Variants in SPTBN1 observed in about 807,000 individuals in gnomAD.
SPTBN1 encodes the protein spectrin beta chain, non-erythrocytic 1.
SPTBN1 carries 32 observed loss-of-function variants against 266.4 expected under a neutral mutation model. That is an observed-to-expected ratio of 0.12 (90% CI 0.09 to 0.16). The LOEUF (loss-of-function observed/expected upper bound fraction) is 0.16, where lower values mean the gene tolerates loss of function less well. Among genes scored for constraint, SPTBN1 ranks in the 10% least tolerant of loss-of-function variants. The pLI, the probability that SPTBN1 is intolerant of heterozygous loss-of-function variation, is 1.00. For missense variants in SPTBN1, 2,296 were observed against 3,067.1 expected (o/e 0.75, Z 5.94); for synonymous variants, 1,336 against 1,162.2 (o/e 1.15, Z -3.04).
intron 2 of SPTBN1, among the ~76,000 whole-genome samples, chr2:54,594,329 A>G (rs74872582): frequency 6.6e-6 from 1 of 151,728 alleles, no homozygotes; most frequent in Non-Finnish European, 1.5e-5. Context: ...AAAATATTTG[A>G]AAAAAAAATT....
intron 2 of SPTBN1, among the ~76,000 whole-genome samples, chr2:54,538,996 C>T (rs1352658594): frequency 1.3e-5 from 2 of 152,190 alleles, no homozygotes; most frequent in African/African-American, 4.8e-5. Context: ...GCCAGGAGCC[C>T]TCTTGCCTGT....
chr2:54,663,297 GTGCCA>G (rs1313124113), intron 32 of SPTBN1: 2 of 152,126 alleles, frequency 1.3e-5, no homozygotes, highest in Non-Finnish European at 2.9e-5. Flanking sequence ...TCTAATGAGC[GTGCCA>G]TTGACTTCTC....
At chr2:54,459,786 G>T (rs950054799) in intron 1 of SPTBN1, among the ~76,000 whole-genome samples, 1 of 152,146 alleles carries the variant, frequency 6.6e-6, no homozygotes, top group Admixed American at 6.5e-5. Flanking sequence ...AACTTTGTAG[G>T]TCTGTGGAAG....
rs772441068 is a variant in SPTBN1 at position 54,632,628 on chromosome 2, A to G, written c.3627A>G (p.Lys1209=). The change falls in exon 17 of 36, where the codon AAA becomes AAG. Residue 1209 remains lysine (K), a synonymous_variant. Coordinates refer to ENST00000356805, the MANE Select transcript of SPTBN1 (RefSeq NM_003128.3). ...TTLEGAEAAI[K]KQEDFMTTMD... is the part of the protein sequence containing the mutation. ...TGGAAGGAGCTGAAGCAGCAATTAA[A>G]AAGCAAGAGGACTTCATGACCACCA... The G allele has an allele frequency of 5.0e-6, 8 of 1,614,140 alleles. No homozygotes were observed. The African/African-American group carries it at 1.1e-4, about 22-fold the overall frequency.
At chr2:54,513,700 A>G (rs1443239825) in intron 1 of SPTBN1, among the ~76,000 whole-genome samples, 1 of 152,204 alleles carries the variant, frequency 6.6e-6, no homozygotes, top group Non-Finnish European at 1.5e-5. Flanking sequence ...CTATTTTTAA[A>G]AATAATTTAG....
intron 32 of SPTBN1, chr2:54,663,443 A>T (rs1158473746): frequency 6.6e-6 from 1 of 152,250 alleles, no homozygotes; most frequent in Admixed American, 6.5e-5. Flanking sequence ...TTAATGGTAC[A>T]CAGTTGATGG....
intron 2 of SPTBN1, among the ~76,000 whole-genome samples, chr2:54,536,108 G>A (rs1018566926): frequency 6.6e-6 from 1 of 152,104 alleles, no homozygotes; most frequent in Non-Finnish European, 1.5e-5. Flanking sequence ...GTGGGTGTTT[G>A]GTGTCTCAGA....
chr2:54,660,122 A>T (rs772218559), intron 32 of SPTBN1, 123 bp downstream of exon 32: 2 of 1,595,860 alleles, frequency 1.3e-6, no homozygotes, highest in South Asian at 1.1e-5. Context: ...ACCCTTTCCA[A>T]ATCCTCTGGG....
chr2:54,471,800 A>ATTTTTTTTTTTTTTTTTTTTTTTT (rs56043354), intron 1 of SPTBN1, among the ~76,000 whole-genome samples: 2 of 102,716 alleles, frequency 1.9e-5, no homozygotes, highest in Non-Finnish European at 3.8e-5. Context: ...TTTTTTATCG[A>ATTTTTTTTTTTTTTTTTTTTTTTT]TTTTTTTTTT....
chr2:54,469,035 T>G (rs1693782748), intron 1 of SPTBN1, among the ~76,000 whole-genome samples: 1 of 152,216 alleles, frequency 6.6e-6, no homozygotes, highest in Non-Finnish European at 1.5e-5. Flanking sequence ...GCTGGATTCT[T>G]TACAATTCTA....
chr2:54,547,967 C>A (rs1672346657), intron 2 of SPTBN1, among the ~76,000 whole-genome samples: 1 of 151,780 alleles, frequency 6.6e-6, no homozygotes, highest in African/African-American at 2.4e-5. Flanking sequence ...CACGGTGAAA[C>A]CCCGTCTCTA....
At chr2:54,511,531 T>C (rs1469454228) in intron 1 of SPTBN1, among the ~76,000 whole-genome samples, 2 of 152,136 alleles carry the variant, frequency 1.3e-5, no homozygotes, top group Non-Finnish European at 2.9e-5. Context: ...CACATTACTT[T>C]TATTGTGCAC....
chr2:54,666,943 G>A (rs1356263233), intron 34 of SPTBN1, among the ~76,000 whole-genome samples: 1 of 152,198 alleles, frequency 6.6e-6, no homozygotes, highest in Admixed American at 6.5e-5. Context: ...TGCACCGGCA[G>A]CCTGGCTCCT....
chr2:54,480,624 A>G (rs565152142), intron 1 of SPTBN1, among the ~76,000 whole-genome samples: 11 of 152,196 alleles, frequency 7.2e-5, no homozygotes, highest in Admixed American at 5.2e-4. Flanking sequence ...AGATCCTTTT[A>G]TAAGTATTGT....
At chr2:54,541,233 A>G (rs1369266964) in intron 2 of SPTBN1, among the ~76,000 whole-genome samples, 1 of 152,238 alleles carries the variant, frequency 6.6e-6, no homozygotes, top group African/African-American at 2.4e-5. Context: ...TACTATGAAC[A>G]TACACACTTT....
At chr2:54,625,859 G>A (rs1386782475) in intron 11 of SPTBN1, 73 bp from the exon 12 acceptor site, 1 of 1,508,432 alleles carries the variant, frequency 6.6e-7, no homozygotes, top group East Asian at 2.4e-5. Context: ...CCAAAGTGCT[G>A]GGATTACAAG....
At chr2:54,617,222 C>T (rs1303185310) in intron 5 of SPTBN1, among the ~76,000 whole-genome samples, 4 of 152,152 alleles carry the variant, frequency 2.6e-5, no homozygotes, top group Admixed American at 2.6e-4. Context: ...ACTTCTTGTC[C>T]CAAAGTAACG....
intron 1 of SPTBN1, chr2:54,516,214 C>T (rs1276199322): frequency 6.6e-6 from 1 of 152,010 alleles, no homozygotes; most frequent in Non-Finnish European, 1.5e-5. Flanking sequence ...TCATTTTTTT[C>T]CTGTGCCACC....
intron 2 of SPTBN1, among the ~76,000 whole-genome samples, chr2:54,532,203 C>T (rs56726104): frequency 0.073 from 11,147 of 152,046 alleles, 1,337 homozygotes; most frequent in African/African-American, 0.25. Flanking sequence ...ACAGGAGAAT[C>T]GGTTGAACCT....
Sources: allele counts gnomAD v4.1 joint callset (sites outside exome capture counted in the v4.1 genomes callset), GRCh38; gene constraint gnomAD v4.1.1; transcripts MANE v1.5; gene names NCBI Gene and HGNC (gene_info 2026-07-23, HGNC 2026-07-21).